The following CLSTN2 variants were observed in gnomAD, a reference collection of about 807,000 sequenced individuals.
The protein encoded by CLSTN2 is calsyntenin-2.
In CLSTN2, 48 loss-of-function variants were observed where a neutral mutation model predicts 101.2. That is an observed-to-expected ratio of 0.47 (90% CI 0.38 to 0.60). CLSTN2 has a LOEUF of 0.60. Among genes scored for constraint, CLSTN2 ranks in the 20% least tolerant of loss-of-function variants. The probability of loss-of-function intolerance (pLI) is 0.00; values close to 1 mark genes in which losing one functional copy is unlikely to be tolerated. For synonymous variants in CLSTN2, 481 were observed against 463.6 expected, an observed-to-expected ratio of 1.04 and a Z score of -0.48; for missense variants, 1,160 against 1,238.2, an observed-to-expected ratio of 0.94 and a Z score of 0.95.
At chr3:140,020,914 T>C (rs147976099) in intron 1 of CLSTN2, among the ~76,000 whole-genome samples, 13 of 152,350 alleles carry the variant, frequency 8.5e-5, no homozygotes, top group Non-Finnish European at 1.5e-4. Flanking sequence ...GTCTTCTAAT[T>C]GCCGATGGAA....
chr3:140,412,434 C>T (rs1423549597), intron 4 of CLSTN2, among the ~76,000 whole-genome samples: 1 of 152,144 alleles, frequency 6.6e-6, no homozygotes, highest in Non-Finnish European at 1.5e-5. Flanking sequence ...GTATGAGGGG[C>T]AGCAGGACCA....
intron 1 of CLSTN2, among the ~76,000 whole-genome samples, chr3:140,132,197 AGACTCCT>A (rs2009534149): frequency 2.0e-5 from 3 of 152,196 alleles, no homozygotes; most frequent in African/African-American, 7.2e-5. Flanking sequence ...AAAGTGTAAA[AGACTCCT>A]GACTTTAAGG....
chr3:140,406,819 T>G (rs2088308509), intron 4 of CLSTN2, among the ~76,000 whole-genome samples: 1 of 152,260 alleles, frequency 6.6e-6, no homozygotes, highest in Non-Finnish European at 1.5e-5. Flanking sequence ...AAGCTCTACT[T>G]GGCCTCCTGC....
intron 2 of CLSTN2, among the ~76,000 whole-genome samples, chr3:140,303,738 T>G (rs1671120053): frequency 6.6e-6 from 1 of 151,960 alleles, no homozygotes; most frequent in African/African-American, 2.4e-5. Flanking sequence ...CTGGCTCCAG[T>G]AACACAGGGG....
chr3:140,023,306 C>T lies in CLSTN2; in HGVS notation c.109+87823C>T, dbSNP rs114014173. Among the ~76,000 whole-genome samples the T allele has an allele frequency of 4.3e-4, 65 of 152,212 alleles. 1 individual carries two copies. The highest frequency in any genetic ancestry group is 3.4e-3 in the Middle Eastern group (1 of 294). On this transcript the variant is annotated intron_variant, in intron 1 of 16. Transcript: ENST00000458420. ...ACATGGGAGGCTGAGATAAGGAGCGCGCAAACCTCACAAAAACAGCTTAAC... is the reference window on the plus strand; with the variant it reads ...ACATGGGAGGCTGAGATAAGGAGCGTGCAAACCTCACAAAAACAGCTTAAC...
intron 2 of CLSTN2, among the ~76,000 whole-genome samples, chr3:140,243,359 GTCA>G (rs2086487698): frequency 2.0e-5 from 3 of 152,334 alleles, no homozygotes; most frequent in Admixed American, 2.0e-4. Flanking sequence ...TAAATGATAA[GTCA>G]GTAATGGGCC....
intron 1 of CLSTN2, among the ~76,000 whole-genome samples, chr3:140,135,105 CACACACACACACATATATATAT>C (rs1431977345): frequency 4.9e-4 from 26 of 53,300 alleles, no homozygotes; most frequent in African/African-American, 1.9e-3. Flanking sequence ...CACACACACA[CACACACACACACATATATATAT>C]ATATATATAT....
intron 1 of CLSTN2, among the ~76,000 whole-genome samples, chr3:140,058,015 C>T (rs768043115): frequency 5.9e-5 from 9 of 152,110 alleles, no homozygotes; most frequent in Non-Finnish European, 1.0e-4. Flanking sequence ...ATTAGTAGAA[C>T]ATGGATGATG....
chr3:140,211,038 G>A (rs1271047951), intron 2 of CLSTN2, among the ~76,000 whole-genome samples: 4 of 152,060 alleles, frequency 2.6e-5, no homozygotes, highest in African/African-American at 9.7e-5. Flanking sequence ...TAGGCTTGGG[G>A]TCGGTATGTG....
intron 8 of CLSTN2, among the ~76,000 whole-genome samples, chr3:140,492,285 G>A (rs983694809): frequency 2.0e-5 from 3 of 152,142 alleles, no homozygotes; most frequent in Non-Finnish European, 2.9e-5. Flanking sequence ...CTGCTAAAGC[G>A]GGCCCAGTAG....
intron 1 of CLSTN2, among the ~76,000 whole-genome samples, chr3:140,164,094 G>T (rs115576370): frequency 0.016 from 2,383 of 152,190 alleles, 59 homozygotes; most frequent in African/African-American, 0.052. Context: ...AAAATATTTT[G>T]TGTAAAAAAT....
Position 140,068,529 on chromosome 3 carries a change from T to C in CLSTN2, c.110-107422T>C, listed in dbSNP as rs560400346. 8.5e-5 allele frequency among the ~76,000 whole-genome samples: 13 copies of C among 152,322 alleles called. No homozygotes were observed. In the East Asian group the frequency reaches 2.5e-3, roughly 29 times the overall value. On this transcript the variant is annotated intron_variant, in intron 1 of 16. Transcript: ENST00000458420. ...TTGAGATGCATTCAATAGCAATGTG[T>C]TTTCTTTTTCCACTAAAGAACAATG...
At chr3:140,425,496 A>G (rs1404469845) in intron 5 of CLSTN2, among the ~76,000 whole-genome samples, 1 of 152,086 alleles carries the variant, frequency 6.6e-6, no homozygotes, top group Non-Finnish European at 1.5e-5. Flanking sequence ...ATTATCTACC[A>G]AGGCTATGGT....
intron 9 of CLSTN2, among the ~76,000 whole-genome samples, chr3:140,541,863 C>T (rs1258298652): frequency 6.6e-6 from 1 of 152,172 alleles, no homozygotes; most frequent in Non-Finnish European, 1.5e-5. Context: ...CCTCCACCCT[C>T]CTCATGGTTT....
intron 1 of CLSTN2, among the ~76,000 whole-genome samples, chr3:139,943,628 A>G (rs1037790159): frequency 1.3e-5 from 2 of 152,176 alleles, no homozygotes; most frequent in African/African-American, 4.8e-5. Context: ...CCTAGAATCT[A>G]ATATTCATGC....
chr3:140,153,952 G>A (rs1036219538), intron 1 of CLSTN2, among the ~76,000 whole-genome samples: 1 of 152,170 alleles, frequency 6.6e-6, no homozygotes, highest in Non-Finnish European at 1.5e-5. Flanking sequence ...CACTGACTCA[G>A]CATATATTTA....
chr3:140,457,735 G>C (rs1396437090), intron 6 of CLSTN2, among the ~76,000 whole-genome samples: 1 of 152,214 alleles, frequency 6.6e-6, no homozygotes, highest in Non-Finnish European at 1.5e-5. Context: ...AGCATCTCGT[G>C]AGAGCACTGA....
intron 1 of CLSTN2, among the ~76,000 whole-genome samples, chr3:140,123,858 A>G (rs368872510): frequency 0.072 from 10,873 of 151,728 alleles, 401 homozygotes; most frequent in Middle Eastern, 0.099. Context: ...GTGTATATAT[A>G]TATATATGTC....
intron 1 of CLSTN2, among the ~76,000 whole-genome samples, chr3:140,081,912 C>T (rs575098007): frequency 6.6e-6 from 1 of 152,286 alleles, no homozygotes; most frequent in South Asian, 2.1e-4. Flanking sequence ...ATATATAAAA[C>T]TCAGCTGTAA....
Sources: allele counts gnomAD v4.1 joint callset (sites outside exome capture counted in the v4.1 genomes callset), GRCh38; gene constraint gnomAD v4.1.1; transcripts MANE v1.5; gene names NCBI Gene and HGNC (gene_info 2026-07-23, HGNC 2026-07-21).